RBFOX1: variants seen among roughly 807,000 people sequenced by gnomAD.
RBFOX1 encodes the protein RNA binding fox-1 homolog 1.
A neutral mutation model predicts 57.7 loss-of-function variants in RBFOX1; 8 were observed. That is an observed-to-expected ratio of 0.14 (90% CI 0.08 to 0.25). The LOEUF (loss-of-function observed/expected upper bound fraction) is 0.25, where lower values mean the gene tolerates loss of function less well. Ranked by LOEUF, RBFOX1 falls within the 10% of genes least tolerant of loss-of-function variation. The probability of loss-of-function intolerance (pLI) is 1.00; values close to 1 mark genes in which losing one functional copy is unlikely to be tolerated. For synonymous variants in RBFOX1, 326 were observed against 222.4 expected (o/e 1.47, Z -4.15); for missense variants, 611 against 548.5 (o/e 1.11, Z -1.14).
At chr16:6,875,766 A>T (rs1225443574) in intron 3 of RBFOX1, among the ~76,000 whole-genome samples, 1 of 152,148 alleles carries the variant, frequency 6.6e-6, no homozygotes, top group African/African-American at 2.4e-5. Context: ...GCACTTTGGG[A>T]GGCCATGACA....
chr16:6,850,207 G>A (rs1275648649), intron 3 of RBFOX1, among the ~76,000 whole-genome samples: 2 of 152,150 alleles, frequency 1.3e-5, no homozygotes, highest in African/African-American at 4.8e-5. Context: ...TTCCTCAAAT[G>A]AAGCAGAAAT....
At chr16:7,557,278 A>C (rs1255700154) in intron 5 of RBFOX1, among the ~76,000 whole-genome samples, 1 of 152,130 alleles carries the variant, frequency 6.6e-6, no homozygotes, top group Non-Finnish European at 1.5e-5. Context: ...ATTGTAAAGC[A>C]ACTGGAAAAA....
At chr16:7,212,597 G>A (rs1038052705) in intron 4 of RBFOX1, among the ~76,000 whole-genome samples, 2 of 151,798 alleles carry the variant, frequency 1.3e-5, no homozygotes, top group African/African-American at 4.8e-5. Context: ...TGAAGGCTGA[G>A]AACTCTCATA....
intron 4 of RBFOX1, among the ~76,000 whole-genome samples, chr16:7,387,477 T>G (rs2097904004): frequency 6.6e-6 from 1 of 152,222 alleles, no homozygotes; most frequent in South Asian, 2.1e-4. Context: ...GTACAATAGC[T>G]GTCAGGATTG....
chr16:5,540,745 T>A (rs1008253777), intron 2 of RBFOX1, among the ~76,000 whole-genome samples: 1 of 152,338 alleles, frequency 6.6e-6, no homozygotes, highest in South Asian at 2.1e-4. Flanking sequence ...GCTAAAAGTA[T>A]GGTCTGTGGA....
intron 2 of RBFOX1, among the ~76,000 whole-genome samples, chr16:6,590,305 A>G (rs1195394296): frequency 6.6e-6 from 1 of 152,210 alleles, no homozygotes; most frequent in Non-Finnish European, 1.5e-5. Context: ...GTCCTTAGCC[A>G]AATGGCCTCA....
At chr16:6,454,860 G>GTT (rs869038635) in intron 2 of RBFOX1, among the ~76,000 whole-genome samples, 2 of 15,486 alleles carry the variant, frequency 1.3e-4, no homozygotes, top group Non-Finnish European at 2.4e-4. Context: ...TCATATACAG[G>GTT]TTTTTTTTTT....
chr16:6,646,592 T>A (rs1053077263), intron 2 of RBFOX1, among the ~76,000 whole-genome samples: 1 of 152,120 alleles, frequency 6.6e-6, no homozygotes, highest in Non-Finnish European at 1.5e-5. Flanking sequence ...TATGGACTCT[T>A]CCTGGCAAAC....
intron 3 of RBFOX1, among the ~76,000 whole-genome samples, chr16:6,756,411 G>C (rs980458041): frequency 6.6e-6 from 1 of 152,104 alleles, no homozygotes; most frequent in Non-Finnish European, 1.5e-5. Context: ...CCTAGGCAAA[G>C]ATTTTATGGC....
chr16:6,930,256 C>G (rs1311227750), intron 3 of RBFOX1, among the ~76,000 whole-genome samples: 2 of 152,174 alleles, frequency 1.3e-5, no homozygotes, highest in Non-Finnish European at 2.9e-5. Context: ...TGACTCAAAA[C>G]CGAGCAGAGG....
chr16:5,698,470 C>T (rs1047491506), intron 3 of RBFOX1, among the ~76,000 whole-genome samples: 1 of 152,044 alleles, frequency 6.6e-6, no homozygotes, highest in African/African-American at 2.4e-5. Context: ...TTAAGTTTTT[C>T]TAGAAAACTG....
intron 3 of RBFOX1, among the ~76,000 whole-genome samples, chr16:6,985,045 A>T (rs1312082974): frequency 6.6e-6 from 1 of 151,950 alleles, no homozygotes; most frequent in Non-Finnish European, 1.5e-5. Context: ...CCAGATCCCA[A>T]TGAGTTAGTT....
rs371351225 is a variant in RBFOX1, at chr16:5,441,402, T to A, written c.220-25814T>A. Reference sequence around the variant, plus strand: ...TTTTTTGAGACAGAGTCTCGCAGTGTCACCTAGGCTAGAGTGCAGTGGCCT... The same window carrying A: ...TTTTTTGAGACAGAGTCTCGCAGTGACACCTAGGCTAGAGTGCAGTGGCCT... On this transcript the variant is annotated intron_variant, in intron 1 of 2. Coordinates refer to the RBFOX1 transcript ENST00000585867. Among the ~76,000 whole-genome samples the A allele has an allele frequency of 2.0e-4, 29 of 145,252 alleles. No individual in the cohort carries two copies. In the East Asian group the frequency reaches 2.5e-3, roughly 13 times the overall value.
At chr16:5,877,922 A>T (rs1409226373) in intron 4 of RBFOX1, among the ~76,000 whole-genome samples, 2 of 152,080 alleles carry the variant, frequency 1.3e-5, no homozygotes, top group African/African-American at 4.8e-5. Context: ...CTTCTGCCCC[A>T]TCTGTGTTTA....
intron 2 of RBFOX1, among the ~76,000 whole-genome samples, chr16:6,489,085 G>A (rs181604851): frequency 4.6e-5 from 7 of 152,176 alleles, no homozygotes; most frequent in African/African-American, 1.7e-4. Flanking sequence ...ATATGGCATG[G>A]GTCGTTGTGA....
chr16:7,424,973 A>G (rs569311458), intron 4 of RBFOX1, among the ~76,000 whole-genome samples: 16 of 152,342 alleles, frequency 1.1e-4, no homozygotes, highest in Non-Finnish European at 2.2e-4. Context: ...GAAGAATGTT[A>G]TCTTAGAGAT....
chr16:7,637,281 A>G (rs1046274328), intron 11 of RBFOX1, among the ~76,000 whole-genome samples: 1 of 150,568 alleles, frequency 6.6e-6, no homozygotes, highest in East Asian at 1.9e-4. Flanking sequence ...CAAAAAAAAA[A>G]AAAGAAGGAA....
At chr16:7,107,983 C>T (rs766318979) in intron 4 of RBFOX1, among the ~76,000 whole-genome samples, 2 of 146,892 alleles carry the variant, frequency 1.4e-5, no homozygotes, top group African/African-American at 5.1e-5. Flanking sequence ...TGCAATTGAC[C>T]TAGGAAAGAA....
At chr16:6,273,084 A>T (rs1484729807) in intron 1 of RBFOX1, among the ~76,000 whole-genome samples, 2 of 151,822 alleles carry the variant, frequency 1.3e-5, no homozygotes, top group Non-Finnish European at 2.9e-5. Context: ...ACATGGTGAA[A>T]CCCCTTCTCT....
Sources: allele counts gnomAD v4.1 joint callset (sites outside exome capture counted in the v4.1 genomes callset), GRCh38; gene constraint gnomAD v4.1.1; transcripts MANE v1.5; gene names NCBI Gene and HGNC (gene_info 2026-07-23, HGNC 2026-07-21).